The following AKAP6 variants were observed in gnomAD, a reference collection of about 807,000 sequenced individuals.
The protein encoded by AKAP6 is A-kinase anchor protein 6.
In AKAP6, 58 loss-of-function variants were observed where a neutral mutation model predicts 188.5. That is an observed-to-expected ratio of 0.31 (90% CI 0.25 to 0.38). AKAP6 has a LOEUF of 0.38. AKAP6 is among the 10% of genes least tolerant of loss of function. AKAP6 has a pLI of 1.00. For synonymous variants in AKAP6, 989 were observed against 998.6 expected, an observed-to-expected ratio of 0.99 and a Z score of 0.18; for missense variants, 2,710 against 2,740.0, an observed-to-expected ratio of 0.99 and a Z score of 0.24.
At chr14:32,742,998 G>A (rs932219150) in intron 11 of AKAP6, among the ~76,000 whole-genome samples, 15 of 151,970 alleles carry the variant, frequency 9.9e-5, no homozygotes, top group African/African-American at 3.6e-4. Flanking sequence ...CTGTGTTGGG[G>A]CCTATGTCTC....
chr14:32,635,307 ATAGT>A (rs1387888177), intron 7 of AKAP6, among the ~76,000 whole-genome samples: 6 of 152,092 alleles, frequency 3.9e-5, no homozygotes, highest in Non-Finnish European at 2.9e-5. Flanking sequence ...TGTATGAGTC[ATAGT>A]TAGAGTAAAA....
chr14:32,585,781 C>A (rs1165484895), intron 5 of AKAP6, among the ~76,000 whole-genome samples: 2 of 151,912 alleles, frequency 1.3e-5, no homozygotes, highest in South Asian at 2.1e-4. Flanking sequence ...TTGATATAGA[C>A]CTCAAAGGCC....
intron 1 of AKAP6, among the ~76,000 whole-genome samples, chr14:32,365,774 A>G (rs1326794599): frequency 6.6e-6 from 1 of 152,156 alleles, no homozygotes; most frequent in Admixed American, 6.5e-5. Flanking sequence ...TCCTGGAGGA[A>G]GACCATGCCC....
chr14:32,640,159 T>C (rs1225614358), intron 7 of AKAP6, among the ~76,000 whole-genome samples: 1 of 152,094 alleles, frequency 6.6e-6, no homozygotes, highest in Non-Finnish European at 1.5e-5. Flanking sequence ...TCTTCACTCA[T>C]AAAATAAATA....
chr14:32,723,131 C>T (rs1205138965), intron 9 of AKAP6, among the ~76,000 whole-genome samples: 2 of 152,206 alleles, frequency 1.3e-5, no homozygotes, highest in Non-Finnish European at 2.9e-5. Context: ...AGCCACACCT[C>T]TATCACAAGT....
chr14:32,794,288 C>T (rs2033697945), intron 12 of AKAP6, among the ~76,000 whole-genome samples: 1 of 152,118 alleles, frequency 6.6e-6, no homozygotes, highest in African/African-American at 2.4e-5. Context: ...TAGCCAGCTG[C>T]AGTGGCTCAC....
Position 32,540,166 on chromosome 14 carries a change from C to CTA in AKAP6, c.576+4362_576+4363insAT, listed in dbSNP as rs1459842154. Among the ~76,000 whole-genome samples the CTA allele has an allele frequency of 9.5e-3, 832 of 87,268 alleles. 1 individual carries two copies. The highest frequency in any genetic ancestry group is 0.012 in the Non-Finnish European group (589 of 49,024). The allele number at this position is 87,268 out of a possible 152,430, so 57.3% of individuals were successfully genotyped here. A position where few individuals can be genotyped will look rare whatever the true frequency, so the allele number is the denominator to read the frequency against. On this transcript the variant is annotated intron_variant, in intron 3 of 13. Coordinates refer to ENST00000280979, the MANE Select transcript of AKAP6 (RefSeq NM_004274.5). ...TCTCTCTCTCTCTCTCTCTCTCTCT[C>CTA]TCTATATATATATATATATATATAT...
intron 11 of AKAP6, among the ~76,000 whole-genome samples, chr14:32,756,654 G>T (rs1156646703): frequency 1.3e-5 from 2 of 152,140 alleles, no homozygotes; most frequent in African/African-American, 2.4e-5. Context: ...TGGCCTGGAG[G>T]CTATCTCTGC....
chr14:32,829,923 C>G lies in AKAP6; in HGVS notation c.*118C>G. ...GCCTCTGGTTCCATCACGTTTGTCA[C>G]TGCCGTTTATTACATTGACTTCTCC... On this transcript the variant is annotated 3_prime_UTR_variant, in exon 14 of 14. Transcript: ENST00000280979. The G allele has an allele frequency of 1.4e-6, 1 of 702,762 alleles. No homozygotes were observed. Among genetic ancestry groups the G allele is most frequent in the Non-Finnish European group, 2.6e-6 (1 of 384,792 alleles). The allele number at this position is 702,762 out of a possible 1,614,324, so 43.5% of individuals were successfully genotyped here.
chr14:32,655,358 C>T (rs989383941), intron 7 of AKAP6, among the ~76,000 whole-genome samples: 1 of 152,144 alleles, frequency 6.6e-6, no homozygotes, highest in South Asian at 2.1e-4. Context: ...AAGTGTTAAA[C>T]CATATGGTAT....
intron 4 of AKAP6, among the ~76,000 whole-genome samples, chr14:32,551,899 C>T (rs1222007834): frequency 6.6e-6 from 1 of 151,840 alleles, no homozygotes; most frequent in Admixed American, 6.6e-5. Context: ...ATCTCCTGAC[C>T]TTGTGATCCG....
rs116269622 is a variant in AKAP6 at position 32,503,958 on chromosome 14, A to G, written c.325-31596A>G. On this transcript the variant is annotated intron_variant, in intron 2 of 13. Transcript: ENST00000280979. ...TTATTATTTATATTAACATATATTA[A>G]TGCATTATATTGATATATTAATTAT... Among the ~76,000 whole-genome samples the G allele has an allele frequency of 9.5e-3, 1,443 of 151,860 alleles. 16 individuals carry two copies. The highest frequency in any genetic ancestry group is 0.033 in the African/African-American group (1,377 of 41,468).
chr14:32,424,746 A>G (rs1594600180), intron 1 of AKAP6, among the ~76,000 whole-genome samples: 1 of 152,248 alleles, frequency 6.6e-6, no homozygotes, highest in Non-Finnish European at 1.5e-5. Context: ...AAGTGAGAAC[A>G]TGCAGTATTT....
chr14:32,637,847 C>T (rs10147066), intron 7 of AKAP6, among the ~76,000 whole-genome samples: 40,222 of 150,754 alleles, frequency 0.27, 6,260 homozygotes, highest in African/African-American at 0.42. Flanking sequence ...GTCATCGGAA[C>T]TGAGGAAGCC....
At chr14:32,616,575 C>G (rs2139402786) in intron 7 of AKAP6, among the ~76,000 whole-genome samples, 1 of 152,054 alleles carries the variant, frequency 6.6e-6, no homozygotes, top group South Asian at 2.1e-4. Flanking sequence ...TAGAGGGGAG[C>G]AAAAGACATT....
chr14:32,603,009 A>G (rs1381239199), intron 7 of AKAP6, among the ~76,000 whole-genome samples: 1 of 152,190 alleles, frequency 6.6e-6, no homozygotes, highest in East Asian at 1.9e-4. Flanking sequence ...CTGCCTTTAC[A>G]GATTGTGATG....
At chr14:32,506,913 A>G (rs1241197877) in intron 2 of AKAP6, among the ~76,000 whole-genome samples, 1 of 152,216 alleles carries the variant, frequency 6.6e-6, no homozygotes, top group Non-Finnish European at 1.5e-5. Context: ...ACATTCATAC[A>G]CACATATACA....
chr14:32,765,644 A>G (rs1489838207), intron 11 of AKAP6, among the ~76,000 whole-genome samples: 1 of 151,834 alleles, frequency 6.6e-6, no homozygotes, highest in African/African-American at 2.4e-5. Flanking sequence ...ACATAGATGT[A>G]TATGGCAGAA....
chr14:32,362,638 T>C (rs1365141689), intron 1 of AKAP6, among the ~76,000 whole-genome samples: 1 of 152,052 alleles, frequency 6.6e-6, no homozygotes, highest in Non-Finnish European at 1.5e-5. Flanking sequence ...CTGTACCAGG[T>C]GATGTAACTG....
Sources: gnomAD v4.1 joint callset for allele counts (sites outside exome capture counted in the v4.1 genomes callset) on GRCh38, gnomAD v4.1.1 for gene constraint, MANE v1.5 for transcripts, NCBI Gene and HGNC (gene_info 2026-07-23, HGNC 2026-07-21) for gene names.